Variants in PCDHA9 observed in about 807,000 individuals in gnomAD.
PCDHA9 encodes the protein protocadherin alpha-9.
PCDHA9 carries 62 observed loss-of-function variants against 62.0 expected under a neutral mutation model. That is an observed-to-expected ratio of 1.00 (90% CI 0.81 to 1.23). The LOEUF (loss-of-function observed/expected upper bound fraction) is 1.23. PCDHA9 is among the 50% of genes most tolerant of loss of function. PCDHA9 has a pLI of 0.00. For missense variants in PCDHA9, 1,205 were observed against 1,249.8 expected (o/e 0.96, Z 0.54); for synonymous variants, 557 against 567.6 (o/e 0.98, Z 0.27).
chr5:140,987,811 CTT>C (rs1444999429), intron 3 of PCDHA9, among the ~76,000 whole-genome samples: 7 of 152,218 alleles, frequency 4.6e-5, no homozygotes, highest in African/African-American at 1.7e-4. Flanking sequence ...GTGCCTGTCT[CTT>C]TGTTTCCTTA....
At chr5:140,924,902 A>AAAAAAT (rs1554202311) in intron 1 of PCDHA9, among the ~76,000 whole-genome samples, 400 of 39,066 alleles carry the variant, frequency 0.01, 1 homozygote, top group Middle Eastern at 0.023. Flanking sequence ...CTCAAAAAAA[A>AAAAAAT]AAATAAAATA....
chr5:140,857,995 G>A, intron 1 of PCDHA9: 1 of 1,597,106 alleles, frequency 6.3e-7, no homozygotes, highest in East Asian at 2.2e-5. Context: ...TACTGGTGCT[G>A]GTGAAGGACC....
chr5:140,978,794 TG>T (rs1179958432), intron 1 of PCDHA9, 154 bp from the exon 2 acceptor site: 8 of 978,628 alleles, frequency 8.2e-6, no homozygotes, highest in Non-Finnish European at 9.7e-6. Context: ...GTGCTATATA[TG>T]TAGATATCAT....
intron 1 of PCDHA9, among the ~76,000 whole-genome samples, chr5:140,936,016 C>T (rs1170221921): frequency 6.6e-6 from 1 of 151,732 alleles, no homozygotes; most frequent in Non-Finnish European, 1.5e-5. Context: ...CCTCAGCCTC[C>T]CGAGTAGCGG....
intron 1 of PCDHA9, among the ~76,000 whole-genome samples, chr5:140,944,328 C>T (rs1478623361): frequency 1.3e-5 from 2 of 152,124 alleles, no homozygotes; most frequent in African/African-American, 4.8e-5. Context: ...GCTGGGATTA[C>T]AAGCACGTGC....
chr5:140,893,107 G>A (rs1324641421), intron 1 of PCDHA9, among the ~76,000 whole-genome samples: 4 of 152,226 alleles, frequency 2.6e-5, no homozygotes, highest in East Asian at 1.9e-4. Flanking sequence ...ATAATATTCC[G>A]TTGTGCATAT....
At chr5:140,942,382 A>C (rs1341028342) in intron 1 of PCDHA9, among the ~76,000 whole-genome samples, 2 of 152,102 alleles carry the variant, frequency 1.3e-5, no homozygotes, top group African/African-American at 4.8e-5. Context: ...ACTGCATTCC[A>C]GCCTGGGCGA....
chr5:140,868,928 A>C, intron 1 of PCDHA9: 1 of 1,070,100 alleles, frequency 9.3e-7, no homozygotes, highest in Non-Finnish European at 1.3e-6. Flanking sequence ...AGTTCATTTA[A>C]AGGTTGGTCT....
intron 1 of PCDHA9, among the ~76,000 whole-genome samples, chr5:140,878,373 T>G (rs944129613): frequency 2.2e-4 from 34 of 152,258 alleles, no homozygotes; most frequent in African/African-American, 8.0e-4. Flanking sequence ...TGACATATGA[T>G]GAATGATTTT....
chr5:140,884,319 C>T lies in PCDHA9; in HGVS notation c.2394+33430C>T. ...CCACAGGCTTCGTCGAGGGCGTCGG[C>T]AGGCGCTGTGGGTCCAGAAGCGGCG... On this transcript the variant is annotated intron_variant, in intron 1 of 3. Transcript: ENST00000532602. 6.2e-7 allele frequency: 1 copy of T among 1,613,800 alleles called. No homozygotes were observed. The highest frequency in any genetic ancestry group is 8.5e-7 in the Non-Finnish European group (1 of 1,179,860).
intron 1 of PCDHA9, among the ~76,000 whole-genome samples, chr5:140,943,840 G>T (rs528235230): frequency 1.4e-4 from 21 of 152,316 alleles, no homozygotes; most frequent in Non-Finnish European, 2.8e-4. Context: ...GAAGTTGTAA[G>T]ATGTCACAGA....
chr5:140,892,509 A>G (rs2063553980), intron 1 of PCDHA9, among the ~76,000 whole-genome samples: 1 of 152,220 alleles, frequency 6.6e-6, no homozygotes, highest in Admixed American at 6.5e-5. Context: ...AAGAAGTTCC[A>G]CCATGACTGG....
chr5:140,901,146 C>A (rs1463079898), intron 1 of PCDHA9, among the ~76,000 whole-genome samples: 1 of 152,180 alleles, frequency 6.6e-6, no homozygotes, highest in African/African-American at 2.4e-5. Flanking sequence ...AATATTTTCT[C>A]TCAATCTGTG....
intron 1 of PCDHA9, among the ~76,000 whole-genome samples, chr5:140,872,820 T>C (rs1233972983): frequency 6.6e-6 from 1 of 152,216 alleles, no homozygotes; most frequent in African/African-American, 2.4e-5. Flanking sequence ...TTCAGATTCA[T>C]CTAGCAGAGA....
intron 1 of PCDHA9, among the ~76,000 whole-genome samples, chr5:140,919,272 T>C (rs1287919874): frequency 6.6e-6 from 1 of 152,258 alleles, no homozygotes; most frequent in Non-Finnish European, 1.5e-5. Context: ...GTGTAGTCAC[T>C]CCAGCTATCT....
At chr5:140,880,512 C>T (rs1296325164) in intron 1 of PCDHA9, among the ~76,000 whole-genome samples, 4 of 152,314 alleles carry the variant, frequency 2.6e-5, no homozygotes, top group South Asian at 4.1e-4. Flanking sequence ...TGTTTGGTCA[C>T]ATCTCTCAAT....
chr5:140,980,317 A>G (rs1435571559), intron 2 of PCDHA9, among the ~76,000 whole-genome samples: 1 of 152,194 alleles, frequency 6.6e-6, no homozygotes, highest in Non-Finnish European at 1.5e-5. Context: ...TAAAAACTAC[A>G]TTTGAAATAA....
intron 1 of PCDHA9, among the ~76,000 whole-genome samples, chr5:140,962,457 G>T (rs1563323233): frequency 6.6e-6 from 1 of 151,950 alleles, no homozygotes; most frequent in Non-Finnish European, 1.5e-5. Flanking sequence ...AATCTCTTAT[G>T]GCTTGAATCT....
chr5:140,967,935 A>G (rs186453952), intron 1 of PCDHA9: 13 of 1,614,214 alleles, frequency 8.1e-6, no homozygotes, highest in South Asian at 4.4e-5. Flanking sequence ...CTCAGTGTCA[A>G]TGACCAAGAC....
Sources: gnomAD v4.1 joint callset for allele counts (sites outside exome capture counted in the v4.1 genomes callset) on GRCh38, gnomAD v4.1.1 for gene constraint, MANE v1.5 for transcripts, NCBI Gene and HGNC (gene_info 2026-07-23, HGNC 2026-07-21) for gene names.